Variants in CLEC6A observed in about 807,000 individuals in gnomAD.
CLEC6A encodes C-type lectin domain containing 6A, also known as C-type lectin domain family 6 member A.
In CLEC6A, 22 loss-of-function variants were observed where a neutral mutation model predicts 25.7. That is an observed-to-expected ratio of 0.85 (90% CI 0.61 to 1.22). CLEC6A has a LOEUF of 1.22. Among genes scored for constraint, CLEC6A ranks in the 50% most tolerant of loss-of-function variants. CLEC6A has a pLI of 0.00. For synonymous variants in CLEC6A, 92 were observed against 76.7 expected (o/e 1.20, Z -1.04); for missense variants, 240 against 236.8 (o/e 1.01, Z -0.09).
At chr12:8,460,766 G>A (rs181181243) in intron 3 of CLEC6A, 27 of 1,417,698 alleles carry the variant, frequency 1.9e-5, no homozygotes, top group African/African-American at 1.8e-4. Flanking sequence ...AAAGCGGGCC[G>A]ACTGGGCTAC....
At chr12:8,462,958 T>C (rs187989293) in intron 3 of CLEC6A, among the ~76,000 whole-genome samples, 1 of 152,218 alleles carries the variant, frequency 6.6e-6, no homozygotes. Context: ...TTCTGGAACA[T>C]TGTAAATATT....
chr12:8,476,043 G>A (rs1298408857), intron 4 of CLEC6A, 82 bp from the exon 5 acceptor site: 2 of 804,320 alleles, frequency 2.5e-6, no homozygotes, highest in Non-Finnish European at 4.0e-6. Context: ...CTAAAGAATA[G>A]CTCTGAAGGC....
rs118084065 is a variant in CLEC6A, at chr12:8,456,134, A to C, written c.23A>C (p.Gln8Pro). 15,718 of 1,613,710 alleles carry C rather than the reference A, an allele frequency of 9.7e-3. 104 individuals carry two copies. The highest frequency in any genetic ancestry group is 0.016 in the South Asian group (1,450 of 91,058). The stretch of plus-strand genomic sequence containing the variant: ...ATAATGATGCAAGAGCAGCAACCTC[A>C]AAGTACAGGTGAGTATTTCCTCAGT... MMQEQQP[Q>P]STEKRGWLSL... The change falls in exon 1 of 6, where the codon CAA becomes CCA. Residue 8 changes from glutamine to proline, a missense_variant. Gln to Pro is a moderately conservative substitution (Grantham distance 76). Coordinates refer to ENST00000382073, the MANE Select transcript of CLEC6A (RefSeq NM_001007033.2).
At chr12:8,477,043 G>A (rs531164739) in intron 5 of CLEC6A, among the ~76,000 whole-genome samples, 29 of 152,122 alleles carry the variant, frequency 1.9e-4, no homozygotes, top group South Asian at 4.1e-4. Flanking sequence ...TAATAACCCC[G>A]CCAGCATAAA....
intron 4 of CLEC6A, among the ~76,000 whole-genome samples, chr12:8,472,298 A>T (rs1939915095): frequency 6.6e-6 from 1 of 152,080 alleles, no homozygotes; most frequent in African/African-American, 2.4e-5. Context: ...GTCTCTTTAG[A>T]GCAGTAATAA....
At chr12:8,472,537 G>T (rs546217891) in intron 4 of CLEC6A, among the ~76,000 whole-genome samples, 136 of 152,214 alleles carry the variant, frequency 8.9e-4, no homozygotes, top group Non-Finnish European at 1.6e-3. Context: ...AAGGATTATG[G>T]CAAGTAAATG....
chr12:8,463,160 A>C (rs1430877412), intron 3 of CLEC6A, among the ~76,000 whole-genome samples: 1 of 152,176 alleles, frequency 6.6e-6, no homozygotes, highest in Non-Finnish European at 1.5e-5. Context: ...CATCTGTCAA[A>C]ATATGTAGAT....
intron 4 of CLEC6A, among the ~76,000 whole-genome samples, chr12:8,466,292 T>C (rs1210118851): frequency 6.6e-6 from 1 of 152,226 alleles, no homozygotes; most frequent in Non-Finnish European, 1.5e-5. Context: ...ACTTGTCAAT[T>C]GTCACTTAGG....
intron 1 of CLEC6A, among the ~76,000 whole-genome samples, chr12:8,457,133 A>C (rs768287098): frequency 6.6e-6 from 1 of 152,148 alleles, no homozygotes; most frequent in African/African-American, 2.4e-5. Flanking sequence ...AGTTAACTAC[A>C]GTTATCCTGC....
chr12:8,458,115 T>A, intron 2 of CLEC6A, 128 bp downstream of exon 2: 1 of 615,360 alleles, frequency 1.6e-6, no homozygotes, highest in Non-Finnish European at 2.8e-6. Context: ...CACACTTTCC[T>A]TGATTTCTCC....
In CLEC6A at chr12:8,472,994, C is replaced by CTTTTTTTTTT. The variant is rs746059514; in HGVS notation, c.370-3121_370-3112dup. Reference sequence around the variant, plus strand: ...AGTACTCAGTGTTTAGCTCCTACTTCTTTTTTTTTTTTTTTTTTTGAGACG... The same window carrying CTTTTTTTTTT: ...AGTACTCAGTGTTTAGCTCCTACTTCTTTTTTTTTTTTTTTTTTTTTTTTTTTTTGAGACG... On this transcript the variant is annotated intron_variant, in intron 4 of 5. Coordinates refer to ENST00000382073, the MANE Select transcript of CLEC6A (RefSeq NM_001007033.2). Among the ~76,000 whole-genome samples, 4 of 3,574 alleles carry CTTTTTTTTTT rather than the reference C, an allele frequency of 1.1e-3. 2 individuals are homozygous for CTTTTTTTTTT. The highest frequency in any genetic ancestry group is 1.9e-3 in the African/African-American group (4 of 2,152). The allele number at this position is 3,574 out of a possible 152,430, so 2.3% of individuals were successfully genotyped here. A position where few individuals can be genotyped will look rare whatever the true frequency, so the allele number is the denominator to read the frequency against.
Position 8,459,712 on chromosome 12 carries a change from A to C in CLEC6A, c.223+14A>C. On this transcript the variant is annotated intron_variant, in intron 3 of 5. Transcript: ENST00000382073. ...CAAAGGTGCCAGGTAAATCTTTAAA[A>C]TACTGAAATAGACTTTCTTTTTTCT... 2.0e-6 allele frequency: 3 copies of C among 1,520,810 alleles called. No individual in the cohort carries two copies. Among genetic ancestry groups the C allele is most frequent in the Non-Finnish European group, 2.7e-6 (3 of 1,095,018 alleles). 94.2% of individuals were successfully genotyped at this position (1,520,810 alleles called of 1,614,324 possible). A position where few individuals can be genotyped will look rare whatever the true frequency, so the allele number is the denominator to read the frequency against.
intron 1 of CLEC6A, among the ~76,000 whole-genome samples, chr12:8,457,298 C>T (rs779149428): frequency 2.0e-5 from 3 of 152,256 alleles, no homozygotes; most frequent in Non-Finnish European, 4.4e-5. Context: ...TTTTTTAACT[C>T]CCACATATGA....
chr12:8,468,545 G>C (rs1939866928), intron 4 of CLEC6A, among the ~76,000 whole-genome samples: 1 of 152,106 alleles, frequency 6.6e-6, no homozygotes, highest in Non-Finnish European at 1.5e-5. Context: ...GATGAGATTA[G>C]GCATTCTTGC....
intron 4 of CLEC6A, among the ~76,000 whole-genome samples, chr12:8,468,153 G>C (rs1000375537): frequency 1.3e-5 from 2 of 152,116 alleles, no homozygotes; most frequent in African/African-American, 4.8e-5. Flanking sequence ...ATGTTGGCCA[G>C]GCTGGTCTTG....
intron 1 of CLEC6A, 28 bp downstream of exon 1, chr12:8,456,170 A>T (rs1465350775): frequency 1.2e-6 from 2 of 1,611,412 alleles, no homozygotes; most frequent in South Asian, 1.1e-5. Flanking sequence ...TTCAGAGGAA[A>T]GTGGAAGTGT....
intron 4 of CLEC6A, among the ~76,000 whole-genome samples, chr12:8,468,100 C>T (rs890488628): frequency 1.1e-4 from 16 of 152,134 alleles, no homozygotes; most frequent in African/African-American, 3.4e-4. Context: ...AGCCACTATG[C>T]CCAGCTAATG....
chr12:8,472,934 C>T (rs920040300), intron 4 of CLEC6A, among the ~76,000 whole-genome samples: 1 of 151,496 alleles, frequency 6.6e-6, no homozygotes, highest in African/African-American at 2.4e-5. Flanking sequence ...CTCTACTAGT[C>T]CCCAGTATCT....
rs372591496 is a variant in CLEC6A at position 8,457,977 on chromosome 12, G to A, written c.111G>A (p.Val37=). The change falls in exon 2 of 6, where the codon GTG becomes GTA. Residue 37 remains valine, a synonymous_variant. Coordinates refer to ENST00000382073, the MANE Select transcript of CLEC6A (RefSeq NM_001007033.2). ...CACTCCTCAGTGCTTGCTTCATTGT[G>A]AGCTGTGTAGGTAAGTTCTTCACTG... ...SIALLSACFI[V]SCVVTYHFTY... The A allele has an allele frequency of 1.9e-5, 30 of 1,612,214 alleles. No homozygotes were observed. The highest frequency in any genetic ancestry group is 2.5e-5 in the Non-Finnish European group (29 of 1,178,298).
Sources: allele counts gnomAD v4.1 joint callset (sites outside exome capture counted in the v4.1 genomes callset), GRCh38; gene constraint gnomAD v4.1.1; transcripts MANE v1.5; gene names NCBI Gene and HGNC (gene_info 2026-07-23, HGNC 2026-07-21).